CDKAL1: variants seen among roughly 807,000 people sequenced by gnomAD.
CDKAL1 encodes threonylcarbamoyladenosine tRNA methylthiotransferase.
A neutral mutation model predicts 68.2 loss-of-function variants in CDKAL1; 32 were observed. That is an observed-to-expected ratio of 0.47 (90% CI 0.35 to 0.63). The LOEUF (loss-of-function observed/expected upper bound fraction) is 0.63. Among genes scored for constraint, CDKAL1 ranks in the 30% least tolerant of loss-of-function variants. The pLI is 0.00. For synonymous variants in CDKAL1, 234 were observed against 244.3 expected (o/e 0.96, Z 0.39); for missense variants, 606 against 696.7 (o/e 0.87, Z 1.47).
chr6:20,618,537 A>C (rs530373379), intron 4 of CDKAL1, among the ~76,000 whole-genome samples: 1 of 152,326 alleles, frequency 6.6e-6, no homozygotes, highest in East Asian at 1.9e-4. Flanking sequence ...GAAAGTGTGC[A>C]TAAGGCTTAA....
intron 8 of CDKAL1, among the ~76,000 whole-genome samples, chr6:20,813,740 A>G (rs1776919558): frequency 6.6e-6 from 1 of 152,154 alleles, no homozygotes. Flanking sequence ...TCGATACTCA[A>G]CTGACTCTAT....
intron 13 of CDKAL1, among the ~76,000 whole-genome samples, chr6:21,176,087 T>C (rs534215611): frequency 9.1e-4 from 139 of 152,360 alleles, no homozygotes; most frequent in African/African-American, 3.2e-3. Context: ...GTTTTGAGTA[T>C]TGAACTGGCT....
chr6:21,150,797 GA>G, intron 13 of CDKAL1, among the ~76,000 whole-genome samples: 1 of 152,142 alleles, frequency 6.6e-6, no homozygotes, highest in East Asian at 1.9e-4. Context: ...TCCCCAGACT[GA>G]AATCAGAGTA....
At chr6:20,730,858 AAAAG>A (rs1218953411) in intron 5 of CDKAL1, among the ~76,000 whole-genome samples, 1 of 151,902 alleles carries the variant, frequency 6.6e-6, no homozygotes, top group Non-Finnish European at 1.5e-5. Flanking sequence ...AAAAAAAAAA[AAAAG>A]AGAGAAGGAG....
rs369307384 is a variant in CDKAL1 at position 20,546,438 on chromosome 6, G to T, written c.88G>T (p.Val30Leu). ...EDSKPQDRHF[V>L]RKDVVPKVRR... ...TTCAAAACCACAAGATAGGCATTTT[G>T]TAAGAAAGGATGTTGTCCCGAAGGT... Residue 30 changes from valine (V) to leucine (L), a missense_variant, in exon 3 of 16, where the codon GTA (valine) becomes TTA (leucine). Coordinates refer to ENST00000274695, the MANE Select transcript of CDKAL1 (RefSeq NM_017774.3). 3.7e-6 allele frequency: 6 copies of T among 1,614,002 alleles called. No homozygotes were observed. Among genetic ancestry groups the T allele is most frequent in the Non-Finnish European group, 5.1e-6 (6 of 1,179,998 alleles).
intron 4 of CDKAL1, among the ~76,000 whole-genome samples, chr6:20,604,025 C>T (rs1347095999): frequency 6.6e-6 from 1 of 151,796 alleles, no homozygotes; most frequent in Non-Finnish European, 1.5e-5. Flanking sequence ...ACAAGGAAGT[C>T]TAGGGAAGAG....
intron 6 of CDKAL1, among the ~76,000 whole-genome samples, chr6:20,740,558 T>TA (rs57145642): frequency 6.6e-6 from 1 of 152,104 alleles, no homozygotes; most frequent in Non-Finnish European, 1.5e-5. Flanking sequence ...TACATTAATT[T>TA]AAAAAAATAT....
At chr6:20,647,073 C>T (rs892555147) in intron 4 of CDKAL1, among the ~76,000 whole-genome samples, 2 of 152,166 alleles carry the variant, frequency 1.3e-5, no homozygotes, top group African/African-American at 4.8e-5. Context: ...AATAAACTAA[C>T]AATTGCTAGT....
chr6:21,201,723 G>A (rs1778699278), intron 15 of CDKAL1, among the ~76,000 whole-genome samples: 1 of 152,156 alleles, frequency 6.6e-6, no homozygotes, highest in African/African-American at 2.4e-5. Context: ...TTTCAGAAGG[G>A]TGTTAGCTGG....
intron 9 of CDKAL1, among the ~76,000 whole-genome samples, chr6:20,895,610 C>T (rs1212178860): frequency 1.3e-5 from 2 of 152,170 alleles, no homozygotes; most frequent in Non-Finnish European, 2.9e-5. Flanking sequence ...TTCTTATCAT[C>T]ATCATGTTGA....
chr6:21,072,496 A>T (rs925523504), intron 12 of CDKAL1, among the ~76,000 whole-genome samples: 1 of 137,488 alleles, frequency 7.3e-6, no homozygotes, highest in African/African-American at 2.7e-5. Flanking sequence ...CGGAGCTTGC[A>T]GTGAGCCAAG....
At chr6:20,890,257 G>A (rs1309845007) in intron 9 of CDKAL1, among the ~76,000 whole-genome samples, 7 of 152,212 alleles carry the variant, frequency 4.6e-5, no homozygotes, top group African/African-American at 1.4e-4. Context: ...AACTAGTGCT[G>A]TAAGCTACAT....
chr6:20,618,879 ATGT>A (rs892370663), intron 4 of CDKAL1, among the ~76,000 whole-genome samples: 1 of 152,006 alleles, frequency 6.6e-6, no homozygotes, highest in African/African-American at 2.4e-5. Context: ...AGGTTTTGTC[ATGT>A]TGCCTGGGCT....
chr6:20,748,775 G>GAAAACTGGAGAGCCACATGCAAAA (rs1773784689), intron 6 of CDKAL1, among the ~76,000 whole-genome samples: 1 of 151,100 alleles, frequency 6.6e-6, no homozygotes, highest in African/African-American at 2.4e-5. Flanking sequence ...TATGGTGTTG[G>GAAAACTGGAGAGCCACATGCAAAA]GAATGAAACT....
intron 8 of CDKAL1, among the ~76,000 whole-genome samples, chr6:20,831,115 A>G (rs1309856662): frequency 2.0e-5 from 3 of 152,170 alleles, no homozygotes; most frequent in Non-Finnish European, 4.4e-5. Flanking sequence ...CATTATAACT[A>G]GGCTCAAACA....
intron 4 of CDKAL1, chr6:20,558,669 T>C (rs1400336433): frequency 2.2e-6 from 1 of 447,472 alleles, no homozygotes; most frequent in Non-Finnish European, 4.5e-6. Context: ...ATTTCCATGT[T>C]GTTGAGGAAA....
intron 2 of CDKAL1, among the ~76,000 whole-genome samples, chr6:20,545,642 G>T (rs1432680881): frequency 6.6e-6 from 1 of 152,080 alleles, no homozygotes; most frequent in Non-Finnish European, 1.5e-5. Flanking sequence ...CACCATGTTG[G>T]CCAGGCTGGT....
intron 9 of CDKAL1, among the ~76,000 whole-genome samples, chr6:20,846,399 A>G (rs1344608217): frequency 6.6e-6 from 1 of 152,168 alleles, no homozygotes; most frequent in Non-Finnish European, 1.5e-5. Context: ...TATCACTCTA[A>G]GGTAAATGAC....
At chr6:20,722,003 T>A (rs1041095388) in intron 5 of CDKAL1, among the ~76,000 whole-genome samples, 1 of 152,100 alleles carries the variant, frequency 6.6e-6, no homozygotes. Context: ...AATGCTGGGA[T>A]TACAGGCGTG....
Sources: allele counts gnomAD v4.1 joint callset (sites outside exome capture counted in the v4.1 genomes callset), GRCh38; gene constraint gnomAD v4.1.1; transcripts MANE v1.5; gene names NCBI Gene and HGNC (gene_info 2026-07-23, HGNC 2026-07-21).